ZNF407: variants seen among roughly 807,000 people sequenced by gnomAD.
The protein encoded by ZNF407 is zinc finger protein 407.
A neutral mutation model predicts 131.2 loss-of-function variants in ZNF407; 17 were observed. The observed-to-expected ratio is 0.13, with a 90% CI of 0.09 to 0.19. ZNF407 has a LOEUF of 0.19. ZNF407 is among the 10% of genes least tolerant of loss of function. The pLI is 1.00. For synonymous variants in ZNF407, 1,156 were observed against 1,062.0 expected, an observed-to-expected ratio of 1.09 and a Z score of -1.72; for missense variants, 2,681 against 2,830.6, an observed-to-expected ratio of 0.95 and a Z score of 1.20.
chr18:74,676,675 C>T (rs1229304592), intron 3 of ZNF407, among the ~76,000 whole-genome samples: 1 of 150,032 alleles, frequency 6.7e-6, no homozygotes, highest in Non-Finnish European at 1.5e-5. Context: ...ACCTCGTGAT[C>T]TGCCCGCCTT....
chr18:74,769,105 A>C (rs1382059677), intron 3 of ZNF407, among the ~76,000 whole-genome samples: 2 of 152,128 alleles, frequency 1.3e-5, no homozygotes, highest in African/African-American at 4.8e-5. Context: ...ATCTCATTTA[A>C]TCTTCATAGC....
intron 7 of ZNF407, among the ~76,000 whole-genome samples, chr18:74,913,548 A>G (rs1171860135): frequency 6.6e-6 from 1 of 152,078 alleles, no homozygotes; most frequent in African/African-American, 2.4e-5. Flanking sequence ...AGAATATAAG[A>G]CATATCTGTA....
At chr18:74,831,715 C>T (rs997228319) in intron 4 of ZNF407, among the ~76,000 whole-genome samples, 2 of 152,190 alleles carry the variant, frequency 1.3e-5, no homozygotes, top group African/African-American at 4.8e-5. Flanking sequence ...GATGCTGCCT[C>T]CCCATCCGTC....
At chr18:74,767,307 G>A (rs902432817) in intron 3 of ZNF407, among the ~76,000 whole-genome samples, 9 of 152,096 alleles carry the variant, frequency 5.9e-5, no homozygotes, top group South Asian at 2.1e-4. Flanking sequence ...TAATTCAACC[G>A]TAATTCTTCT....
At chr18:74,995,460 T>G (rs1972769741) in intron 8 of ZNF407, among the ~76,000 whole-genome samples, 1 of 152,148 alleles carries the variant, frequency 6.6e-6, no homozygotes, top group African/African-American at 2.4e-5. Context: ...AAAAAAAGCA[T>G]TAGGCTATCA....
intron 3 of ZNF407, among the ~76,000 whole-genome samples, chr18:74,738,422 G>GAAAAA (rs10602546): frequency 1.5e-5 from 1 of 65,724 alleles, no homozygotes; most frequent in Non-Finnish European, 2.6e-5. Context: ...TCTGTCTCAA[G>GAAAAA]AAAAAAAAAA....
rs1488997812 is a variant in ZNF407, at chr18:74,654,012, A to G, written c.4802+12890A>G. On this transcript the variant is annotated intron_variant, in intron 3 of 8. Transcript: ENST00000299687. ...CAGACTTTTAAGTATCAATACTTCA[A>G]AATATTTAGTTTTACATTAGCAATA... 2.0e-5 allele frequency among the ~76,000 whole-genome samples: 3 copies of G among 151,806 alleles called. No individual in the cohort carries two copies. In the East Asian group the frequency reaches 5.8e-4, roughly 29 times the overall value.
At chr18:74,881,160 G>A (rs763506453) in intron 6 of ZNF407, 41 bp downstream of exon 6, 1 of 1,513,800 alleles carries the variant, frequency 6.6e-7, no homozygotes, top group East Asian at 2.4e-5. Context: ...CTGCAGAGAG[G>A]ACGGCAAGAC....
chr18:74,860,923 G>A (rs1970929325), intron 4 of ZNF407, among the ~76,000 whole-genome samples: 1 of 152,006 alleles, frequency 6.6e-6, no homozygotes, highest in African/African-American at 2.4e-5. Flanking sequence ...TATAAATAAA[G>A]CTATTTAGCT....
Position 74,919,924 on chromosome 18 carries a change from G to C in ZNF407, c.5250-590G>C, listed in dbSNP as rs577107497. On this transcript the variant is annotated intron_variant, in intron 7 of 8. Transcript: ENST00000299687. ...GCGTGGAATATATGGGCCCTCCGTT[G>C]CATTTTCCATGCCATCACTCTTATC... Among the ~76,000 whole-genome samples the C allele has an allele frequency of 2.0e-5, 3 of 152,128 alleles. No individual in the cohort carries two copies. The East Asian group carries it at 5.8e-4, about 29-fold the overall frequency.
intron 3 of ZNF407, among the ~76,000 whole-genome samples, chr18:74,710,514 C>T (rs1967733098): frequency 6.6e-6 from 1 of 152,168 alleles, no homozygotes; most frequent in African/African-American, 2.4e-5. Flanking sequence ...TTCCCCCTAG[C>T]CTTTCTAGGT....
chr18:74,937,135 A>G (rs1972048290), intron 8 of ZNF407, among the ~76,000 whole-genome samples: 1 of 152,220 alleles, frequency 6.6e-6, no homozygotes, highest in Non-Finnish European at 1.5e-5. Context: ...TGTATAGAGC[A>G]TCTGGAAATT....
chr18:74,813,652 CACCAAGTAACA>C (rs1238434363), intron 4 of ZNF407, among the ~76,000 whole-genome samples: 1 of 152,192 alleles, frequency 6.6e-6, no homozygotes, highest in Non-Finnish European at 1.5e-5. Context: ...GACCTGGAAT[CACCAAGTAACA>C]TGGGGGAGGA....
At chr18:75,032,528 G>A (rs1340974424) in intron 8 of ZNF407, among the ~76,000 whole-genome samples, 1 of 152,166 alleles carries the variant, frequency 6.6e-6, no homozygotes, top group Non-Finnish European at 1.5e-5. Flanking sequence ...CGACTCTAAG[G>A]TAGGTGTACA....
chr18:74,914,149 A>G (rs1380947359), intron 7 of ZNF407, among the ~76,000 whole-genome samples: 1 of 152,122 alleles, frequency 6.6e-6, no homozygotes, highest in Non-Finnish European at 1.5e-5. Flanking sequence ...CCTGGTGAGG[A>G]GTGTGAAGCT....
At chr18:74,604,002 A>T (rs971912430) in intron 1 of ZNF407, among the ~76,000 whole-genome samples, 5 of 152,206 alleles carry the variant, frequency 3.3e-5, no homozygotes, top group African/African-American at 1.2e-4. Context: ...GGGGAAGTTG[A>T]TGAGTGCATG....
chr18:74,676,325 C>T (rs1986358394), intron 3 of ZNF407, among the ~76,000 whole-genome samples: 1 of 152,080 alleles, frequency 6.6e-6, no homozygotes, highest in African/African-American at 2.4e-5. Context: ...CTCCTGAGCT[C>T]AGGCAATCCG....
intron 8 of ZNF407, among the ~76,000 whole-genome samples, chr18:74,982,412 A>G (rs547641278): frequency 3.3e-5 from 5 of 152,344 alleles, no homozygotes; most frequent in East Asian, 1.9e-4. Context: ...AAATAAGAAA[A>G]TCCAATAATT....
intron 4 of ZNF407, among the ~76,000 whole-genome samples, chr18:74,819,552 A>G (rs975618014): frequency 6.6e-6 from 1 of 152,130 alleles, no homozygotes; most frequent in African/African-American, 2.4e-5. Flanking sequence ...AGATGAGAGG[A>G]TGCTGGGTTT....
Sources: gnomAD v4.1 joint callset for allele counts (sites outside exome capture counted in the v4.1 genomes callset) on GRCh38, gnomAD v4.1.1 for gene constraint, MANE v1.5 for transcripts, NCBI Gene and HGNC (gene_info 2026-07-23, HGNC 2026-07-21) for gene names.